ZNF609: variants seen among roughly 807,000 people sequenced by gnomAD.
ZNF609 encodes zinc finger protein 609.
In ZNF609, 11 loss-of-function variants were observed where a neutral mutation model predicts 109.5. That is an observed-to-expected ratio of 0.10 (90% CI 0.06 to 0.17). The LOEUF is 0.17. Among genes scored for constraint, ZNF609 ranks in the 10% least tolerant of loss-of-function variants. The pLI, the probability that ZNF609 is intolerant of heterozygous loss-of-function variation, is 1.00. For synonymous variants in ZNF609, 646 were observed against 662.0 expected, an observed-to-expected ratio of 0.98 and a Z score of 0.37; for missense variants, 1,559 against 1,772.4, an observed-to-expected ratio of 0.88 and a Z score of 2.16.
At chr15:64,512,841 TTTTAGG>T (rs151182591) in intron 2 of ZNF609, among the ~76,000 whole-genome samples, 309 of 152,126 alleles carry the variant, frequency 2.0e-3, no homozygotes, top group African/African-American at 7.4e-3. Flanking sequence ...TAAAAAAAAC[TTTTAGG>T]TTTAGGGATA....
At chr15:64,512,706 T>C (rs1893751269) in intron 2 of ZNF609, among the ~76,000 whole-genome samples, 1 of 152,116 alleles carries the variant, frequency 6.6e-6, no homozygotes, top group South Asian at 2.1e-4. Flanking sequence ...AGCATTAATG[T>C]TTTGGGGTAT....
At chr15:64,631,433 G>A (rs1463928203) in intron 3 of ZNF609, 4 of 732,638 alleles carry the variant, frequency 5.5e-6, no homozygotes, top group African/African-American at 5.2e-5. Flanking sequence ...ACACTTGTGG[G>A]GCATTCCTTT....
intron 2 of ZNF609, among the ~76,000 whole-genome samples, chr15:64,586,819 C>T (rs1895206789): frequency 6.6e-6 from 1 of 152,176 alleles, no homozygotes; most frequent in Non-Finnish European, 1.5e-5. Context: ...CGAAATACTT[C>T]TCAAATTTAT....
intron 3 of ZNF609, among the ~76,000 whole-genome samples, chr15:64,623,518 C>T (rs1895909526): frequency 6.6e-6 from 1 of 152,196 alleles, no homozygotes; most frequent in South Asian, 2.1e-4. Context: ...ACAGCCAGTT[C>T]ACTCTTCCCA....
intron 2 of ZNF609, among the ~76,000 whole-genome samples, chr15:64,569,136 A>T (rs1229456845): frequency 5.9e-5 from 9 of 152,336 alleles, no homozygotes; most frequent in African/African-American, 2.2e-4. Context: ...TTCAGTTAAA[A>T]TATCATCTTC....
chr15:64,546,753 C>A (rs973372023), intron 2 of ZNF609, among the ~76,000 whole-genome samples: 5 of 151,100 alleles, frequency 3.3e-5, no homozygotes, highest in Non-Finnish European at 7.4e-5. Flanking sequence ...GGATTACAGG[C>A]ATGAGCCACA....
At chr15:64,625,928 TATATATATAG>T (rs1198143841) in intron 3 of ZNF609, among the ~76,000 whole-genome samples, 3 of 73,622 alleles carry the variant, frequency 4.1e-5, no homozygotes, top group African/African-American at 1.6e-4. Flanking sequence ...TATATATATA[TATATATATAG>T]AGAGAGAGAG....
intron 3 of ZNF609, among the ~76,000 whole-genome samples, chr15:64,645,011 TCC>T (rs1428656607): frequency 6.5e-4 from 92 of 140,674 alleles, no homozygotes; most frequent in African/African-American, 2.7e-3. Flanking sequence ...CTTTCTTTCT[TCC>T]TTCCTTCCTT....
rs149439548 is a variant in ZNF609 at position 64,495,792 on chromosome 15, A to G, written c.-127-3501A>G. On this transcript the variant is annotated intron_variant, in intron 1 of 9. Coordinates refer to ENST00000326648, the MANE Select transcript of ZNF609 (RefSeq NM_015042.2). ...GTTAAATCCTTTTGTCCTTTCAACT[A>G]AGTTACACATTTTCATTTTAACCTG... Among the ~76,000 whole-genome samples, 212 of 150,490 alleles carry G rather than the reference A, an allele frequency of 1.4e-3. 1 individual carries two copies. The highest frequency in any genetic ancestry group is 4.5e-3 in the African/African-American group (186 of 41,036).
chr15:64,567,259 G>C (rs1445878390), intron 2 of ZNF609, among the ~76,000 whole-genome samples: 3 of 152,108 alleles, frequency 2.0e-5, no homozygotes, highest in Admixed American at 2.0e-4. Context: ...GCCGAGGCGT[G>C]TGGATCATGA....
At position 64,515,755 on chromosome 15, in the gene ZNF609, G is replaced by A. The variant is rs1893797153; in HGVS notation, c.747+15589G>A. On this transcript the variant is annotated intron_variant, in intron 2 of 9. Coordinates refer to ENST00000326648, the MANE Select transcript of ZNF609 (RefSeq NM_015042.2). ...AGTTCGAGACCAGCCTAGATAACAT[G>A]GTGAAACCCCATTTCTACTAAAAAT... is the stretch of plus-strand genomic sequence containing the variant. Among the ~76,000 whole-genome samples the A allele has an allele frequency of 2.0e-5, 3 of 151,652 alleles. No homozygotes were observed. The South Asian group carries it at 6.3e-4, about 32-fold the overall frequency.
intron 1 of ZNF609, among the ~76,000 whole-genome samples, chr15:64,488,411 T>G (rs1893361120): frequency 6.6e-6 from 1 of 152,178 alleles, no homozygotes; most frequent in African/African-American, 2.4e-5. Flanking sequence ...ACACTGGTTC[T>G]TCAATGGTGA....
intron 3 of ZNF609, among the ~76,000 whole-genome samples, chr15:64,645,632 T>A (rs551172975): frequency 6.2e-4 from 94 of 152,246 alleles, no homozygotes; most frequent in African/African-American, 2.2e-3. Context: ...GCAAATCGTG[T>A]ATCTGATAAG....
chr15:64,617,694 C>T (rs1443879634), intron 2 of ZNF609, among the ~76,000 whole-genome samples: 5 of 152,052 alleles, frequency 3.3e-5, no homozygotes, highest in Admixed American at 6.6e-5. Context: ...GTAGGAGAAT[C>T]GCCTGAATCT....
intron 4 of ZNF609, among the ~76,000 whole-genome samples, chr15:64,671,847 C>T (rs1896736009): frequency 1.3e-5 from 2 of 151,964 alleles, no homozygotes; most frequent in African/African-American, 4.8e-5. Flanking sequence ...CCCATTGTTC[C>T]CATGAAACAA....
intron 2 of ZNF609, chr15:64,528,993 CT>C (rs1253963224): frequency 6.6e-6 from 10 of 1,511,498 alleles, no homozygotes; most frequent in East Asian, 4.6e-5. Flanking sequence ...TGCCAGTGAG[CT>C]TCCCGTTCAG....
At chr15:64,524,291 C>T (rs760845353) in intron 2 of ZNF609, among the ~76,000 whole-genome samples, 4 of 152,216 alleles carry the variant, frequency 2.6e-5, no homozygotes, top group Non-Finnish European at 1.5e-5. Context: ...TTTGGCCGGG[C>T]GCAGTGGCTC....
chr15:64,577,099 T>C (rs1278784657), intron 2 of ZNF609, among the ~76,000 whole-genome samples: 27 of 127,574 alleles, frequency 2.1e-4, no homozygotes, highest in Non-Finnish European at 3.5e-4. Context: ...TATGTATATA[T>C]ACACACAAAT....
chr15:64,588,891 G>A (rs1391080485), intron 2 of ZNF609, among the ~76,000 whole-genome samples: 8 of 152,040 alleles, frequency 5.3e-5, no homozygotes. Context: ...TTATCCACCT[G>A]CCTCAGCCTT....
Sources: gnomAD v4.1 joint callset for allele counts (sites outside exome capture counted in the v4.1 genomes callset) on GRCh38, gnomAD v4.1.1 for gene constraint, MANE v1.5 for transcripts, NCBI Gene and HGNC (gene_info 2026-07-23, HGNC 2026-07-21) for gene names.